The following TMEM87B variants were observed in gnomAD, a reference collection of about 807,000 sequenced individuals.
TMEM87B encodes transmembrane protein 87B.
A neutral mutation model predicts 80.3 loss-of-function variants in TMEM87B; 83 were observed. The ratio of observed to expected loss-of-function variants is 1.03; its 90% CI spans 0.87 to 1.24. TMEM87B has a LOEUF of 1.24. Ranked by LOEUF, TMEM87B falls within the 50% of genes most tolerant of loss-of-function variation. The pLI is 0.00. For synonymous variants in TMEM87B, 219 were observed against 230.5 expected, an observed-to-expected ratio of 0.95 and a Z score of 0.45; for missense variants, 625 against 674.4, an observed-to-expected ratio of 0.93 and a Z score of 0.81.
At chr2:112,074,821 TTTC>T (rs1678759460) in intron 4 of TMEM87B, 88 bp from the exon 5 acceptor site, 1 of 1,364,894 alleles carries the variant, frequency 7.3e-7, no homozygotes, top group Non-Finnish European at 9.6e-7. Context: ...ATTTTTCATT[TTTC>T]TTCTAACTTT....
At position 112,060,362 on chromosome 2, in the gene TMEM87B, CAAG is replaced by C. The variant is rs557747625; in HGVS notation, c.226+328_226+330del. ...AGACTCTGTCTCAAAAACAAACAAA[CAAG>C]AATAATGAAATACTAATATATATAT... is the stretch of plus-strand genomic sequence containing the variant. On this transcript the variant is annotated intron_variant, in intron 2 of 18. Transcript: ENST00000283206. Among the ~76,000 whole-genome samples, 256 of 151,776 alleles carry C rather than the reference CAAG, an allele frequency of 1.7e-3. 1 individual carries two copies. Among genetic ancestry groups the C allele is most frequent in the African/African-American group, 5.9e-3 (246 of 41,396 alleles).
chr2:112,105,377 G>A (rs1369374123), intron 15 of TMEM87B, among the ~76,000 whole-genome samples: 1 of 152,144 alleles, frequency 6.6e-6, no homozygotes, highest in East Asian at 1.9e-4. Context: ...TTTTATATGT[G>A]CTAACTTGTT....
chr2:112,084,726 A>G (rs1284380022), intron 8 of TMEM87B, among the ~76,000 whole-genome samples: 1 of 152,186 alleles, frequency 6.6e-6, no homozygotes, highest in East Asian at 1.9e-4. Context: ...ATCTTTCTGA[A>G]TCTTTCTGCT....
Position 112,055,636 on chromosome 2 carries a change from C to G in TMEM87B, c.45C>G (p.Arg15=). The change falls in exon 1 of 19, where the codon CGC becomes CGG. Residue 15 remains arginine (R), a synonymous_variant. Transcript: ENST00000283206. ...CGGTAGCCGGGCTCCTGCCACGCCG[C>G]CGCCGCTGCTTTCCCGCCCGGGCCC... ...CRSVAGLLPR[R]RRCFPARAPL... is the part of the protein sequence containing the mutation. 1 of 1,554,538 alleles carries G rather than the reference C, an allele frequency of 6.4e-7. No homozygotes were observed. The highest frequency in any genetic ancestry group is 8.7e-7 in the Non-Finnish European group (1 of 1,152,514).
intron 16 of TMEM87B, among the ~76,000 whole-genome samples, chr2:112,107,324 C>T (rs904509440): frequency 6.8e-6 from 1 of 147,546 alleles, no homozygotes; most frequent in Non-Finnish European, 1.5e-5. Flanking sequence ...CACCGCTGCA[C>T]TCCAGCCTGG....
At chr2:112,057,746 C>T (rs1229373266) in intron 1 of TMEM87B, among the ~76,000 whole-genome samples, 1 of 151,996 alleles carries the variant, frequency 6.6e-6, no homozygotes, top group Non-Finnish European at 1.5e-5. Flanking sequence ...TAGTCATATA[C>T]ACTGTGATAT....
At chr2:112,099,733 C>T (rs1037237405) in intron 14 of TMEM87B, among the ~76,000 whole-genome samples, 2 of 150,474 alleles carry the variant, frequency 1.3e-5, no homozygotes, top group African/African-American at 4.9e-5. Context: ...AAAAATTAGC[C>T]AGGTGCGGTG....
At chr2:112,068,918 C>T (rs982610269) in intron 4 of TMEM87B, among the ~76,000 whole-genome samples, 54 of 152,034 alleles carry the variant, frequency 3.6e-4, no homozygotes, top group African/African-American at 1.2e-3. Flanking sequence ...GTAGGCCGGG[C>T]GCGGTGGCTC....
chr2:112,108,366 C>T (rs913512345), intron 17 of TMEM87B, among the ~76,000 whole-genome samples: 10 of 152,182 alleles, frequency 6.6e-5, no homozygotes, highest in Non-Finnish European at 1.3e-4. Flanking sequence ...CCCTCCCTAG[C>T]CCCCATCTGG....
At position 112,055,407 on chromosome 2, in the gene TMEM87B, C is replaced by A; in HGVS notation, c.-185C>A. ...GCTCAGAGCCCTAAGCCCTGCCTCC[C>A]GGTCCTGGCCGGGTTTCCCAGAACT... is the stretch of plus-strand genomic sequence containing the variant. On this transcript the variant is annotated 5_prime_UTR_variant, in exon 1 of 19. Transcript: ENST00000283206. 1.6e-6 allele frequency: 1 copy of A among 639,560 alleles called. No individual in the cohort carries two copies. 39.6% of individuals were successfully genotyped at this position (639,560 alleles called of 1,614,324 possible). A position where few individuals can be genotyped will look rare whatever the true frequency, so the allele number is the denominator to read the frequency against.
intron 10 of TMEM87B, among the ~76,000 whole-genome samples, chr2:112,091,001 A>T (rs1007046992): frequency 4.6e-5 from 7 of 152,008 alleles, no homozygotes; most frequent in Admixed American, 2.0e-4. Context: ...GCATTCATAT[A>T]ATAATAATAA....
At chr2:112,104,400 GAGC>G (rs1679710242) in intron 15 of TMEM87B, among the ~76,000 whole-genome samples, 1 of 152,222 alleles carries the variant, frequency 6.6e-6, no homozygotes, top group African/African-American at 2.4e-5. Flanking sequence ...TGCAAAAAAT[GAGC>G]AGAAGACTAG....
chr2:112,107,932 T>G (rs1679815289), intron 17 of TMEM87B, 92 bp downstream of exon 17: 1 of 827,780 alleles, frequency 1.2e-6, no homozygotes, highest in Middle Eastern at 2.4e-4. Flanking sequence ...TTTTCAAACC[T>G]CGTACTTGCA....
At chr2:112,094,355 G>A (rs1558844623) in intron 11 of TMEM87B, among the ~76,000 whole-genome samples, 2 of 152,004 alleles carry the variant, frequency 1.3e-5, no homozygotes, top group African/African-American at 2.4e-5. Context: ...TAGATACGGG[G>A]TTTCACCATG....
rs1417554279 is a variant in TMEM87B at position 112,119,277 on chromosome 2, A to G, written c.*3134A>G. 1 of 152,170 alleles carries G rather than the reference A, an allele frequency of 6.6e-6. No individual in the cohort carries two copies. Among genetic ancestry groups the G allele is most frequent in the African/African-American group, 2.4e-5 (1 of 41,460 alleles). 9.4% of individuals were successfully genotyped at this position (152,170 alleles called of 1,614,324 possible). On this transcript the variant is annotated 3_prime_UTR_variant, in exon 19 of 19. Coordinates refer to ENST00000283206, the MANE Select transcript of TMEM87B (RefSeq NM_032824.3). ...AAAAATTGATGTATTTTGTGCCTTA[A>G]TATTTTGTTCTTTTAATAAAAATGC... is the stretch of plus-strand genomic sequence containing the variant.
intron 11 of TMEM87B, among the ~76,000 whole-genome samples, chr2:112,092,077 T>C (rs1679318711): frequency 6.6e-6 from 1 of 152,168 alleles, no homozygotes; most frequent in African/African-American, 2.4e-5. Context: ...GGGAGACAGA[T>C]ACATAACTGG....
chr2:112,108,507 T>C (rs1342941990), intron 17 of TMEM87B, among the ~76,000 whole-genome samples: 1 of 152,242 alleles, frequency 6.6e-6, no homozygotes, highest in East Asian at 1.9e-4. Context: ...AAAAAGTCTT[T>C]GTTTCACCTT....
At position 112,119,178 on chromosome 2, in the gene TMEM87B, A is replaced by G. The variant is rs1170310701; in HGVS notation, c.*3035A>G. 6.6e-6 allele frequency: 1 copy of G among 152,182 alleles called. No homozygotes were observed. The highest frequency in any genetic ancestry group is 2.4e-5 in the African/African-American group (1 of 41,456). 9.4% of individuals were successfully genotyped at this position (152,182 alleles called of 1,614,324 possible). A position where few individuals can be genotyped will look rare whatever the true frequency, so the allele number is the denominator to read the frequency against. ...AGAACTTGTATTTTTCTATTTTAAAAAGTTAAATTATTCCGTAATTTGGAA... is the reference window on the plus strand; with the variant it reads ...AGAACTTGTATTTTTCTATTTTAAAGAGTTAAATTATTCCGTAATTTGGAA... On this transcript the variant is annotated 3_prime_UTR_variant, in exon 19 of 19. Transcript: ENST00000283206.
chr2:112,064,202 A>G lies in TMEM87B; in HGVS notation c.267A>G (p.Ile89Met). 1 of 1,613,848 alleles carries G rather than the reference A, an allele frequency of 6.2e-7. No individual in the cohort carries two copies. The highest frequency in any genetic ancestry group is 8.5e-7 in the Non-Finnish European group (1 of 1,179,886). Residue 89 changes from isoleucine to methionine, a missense_variant, in exon 3 of 19, where the codon ATA (isoleucine) becomes ATG (methionine). Coordinates refer to ENST00000283206, the MANE Select transcript of TMEM87B (RefSeq NM_032824.3). ...FHCSGPVKFT[I>M]VWHLKYHTCH... The stretch of plus-strand genomic sequence containing the variant: ...GTTCTGGGCCTGTGAAGTTTACCAT[A>G]GTGTGGCATTTGAAGTATCATACCT...
Sources: gnomAD v4.1 joint callset for allele counts (sites outside exome capture counted in the v4.1 genomes callset) on GRCh38, gnomAD v4.1.1 for gene constraint, MANE v1.5 for transcripts, NCBI Gene and HGNC (gene_info 2026-07-23, HGNC 2026-07-21) for gene names.